The following PSTPIP2 variants were observed in gnomAD, a reference collection of about 807,000 sequenced individuals.
The protein encoded by PSTPIP2 is proline-serine-threonine phosphatase interacting protein 2, also known as proline-serine-threonine phosphatase-interacting protein 2.
In PSTPIP2, 33 loss-of-function variants were observed where a neutral mutation model predicts 63.3. The observed-to-expected ratio is 0.52, with a 90% CI of 0.40 to 0.70. PSTPIP2 has a LOEUF of 0.70. Ranked by LOEUF, PSTPIP2 falls within the 30% of genes least tolerant of loss-of-function variation. The pLI is 0.00. For missense variants in PSTPIP2, 312 were observed against 400.7 expected, an observed-to-expected ratio of 0.78 and a Z score of 1.89; for synonymous variants, 125 against 132.7, an observed-to-expected ratio of 0.94 and a Z score of 0.40.
chr18:46,072,209 G>A lies in PSTPIP2; in HGVS notation c.-21C>T, dbSNP rs1458810143. 2 of 1,533,528 alleles carry A rather than the reference G, an allele frequency of 1.3e-6. No homozygotes were observed. Among genetic ancestry groups the A allele is most frequent in the Non-Finnish European group, 1.8e-6 (2 of 1,140,104 alleles). 95.0% of individuals were successfully genotyped at this position (1,533,528 alleles called of 1,614,324 possible). ...GTCATCGCAGCGCGAGTGGGGGCGCGGAGGAGAGCCGGGCCGCAGGTAGCA... is the reference window on the plus strand; with the variant it reads ...GTCATCGCAGCGCGAGTGGGGGCGCAGAGGAGAGCCGGGCCGCAGGTAGCA... On this transcript the variant is annotated 5_prime_UTR_variant, in exon 1 of 15. Transcript: ENST00000409746.
At chr18:46,050,019 C>G (rs886705018) in intron 1 of PSTPIP2, among the ~76,000 whole-genome samples, 7 of 151,980 alleles carry the variant, frequency 4.6e-5, no homozygotes, top group Admixed American at 1.3e-4. Flanking sequence ...TAAAGGCAAA[C>G]AAACGAGATA....
chr18:45,998,352 T>C (rs1394406620), intron 8 of PSTPIP2, among the ~76,000 whole-genome samples: 3 of 152,232 alleles, frequency 2.0e-5, no homozygotes, highest in African/African-American at 7.2e-5. Flanking sequence ...ATTTCAGTGA[T>C]AACAAGGCCT....
At position 46,044,889 on chromosome 18, in the gene PSTPIP2, C is replaced by G. The variant is rs541738130; in HGVS notation, c.34-4842G>C. Among the ~76,000 whole-genome samples, 227 of 152,212 alleles carry G rather than the reference C, an allele frequency of 1.5e-3. 1 individual carries two copies. Among genetic ancestry groups the G allele is most frequent in the African/African-American group, 5.2e-3 (217 of 41,516 alleles). ...TTCTCAAAAGAAGGCATTTATGCAG[C>G]CAAAAAACACATGAAAAAATGCTCA... On this transcript the variant is annotated intron_variant, in intron 1 of 14. Coordinates refer to ENST00000409746, the MANE Select transcript of PSTPIP2 (RefSeq NM_024430.4).
At chr18:45,986,966 T>A (rs958686999) in intron 14 of PSTPIP2, among the ~76,000 whole-genome samples, 10 of 152,142 alleles carry the variant, frequency 6.6e-5, no homozygotes, top group African/African-American at 1.2e-4. Context: ...GGGTCCTAAG[T>A]AGCTGGGGCT....
intron 2 of PSTPIP2, among the ~76,000 whole-genome samples, chr18:46,027,706 G>A (rs1907633519): frequency 6.6e-6 from 1 of 151,718 alleles, no homozygotes; most frequent in African/African-American, 2.4e-5. Flanking sequence ...AATAAAATAA[G>A]TAAATAAAAA....
chr18:46,049,484 A>G (rs1908506232), intron 1 of PSTPIP2, among the ~76,000 whole-genome samples: 1 of 152,176 alleles, frequency 6.6e-6, no homozygotes, highest in Admixed American at 6.6e-5. Flanking sequence ...AAAAAAAAAG[A>G]TATTCAAACA....
Position 46,040,016 on chromosome 18 carries a change from T to TCATAG in PSTPIP2, c.60_64dup (p.Asp22AlafsTer9). On this transcript the variant is annotated frameshift_variant, in exon 2 of 15. Transcript: ENST00000409746. LOFTEE classifies it high-confidence loss of function. Reference sequence around the variant, plus strand: ...ATTGTTCAGATGTTGGATAATGTTGTCATAGCCGATGGTGCTGAGGATGTC... The same window carrying TCATAG: ...ATTGTTCAGATGTTGGATAATGTTGTCATAGCATAGCCGATGGTGCTGAGGATGTC... The TCATAG allele has an allele frequency of 6.2e-7, 1 of 1,612,642 alleles. No homozygotes were observed. Among genetic ancestry groups the TCATAG allele is most frequent in the Non-Finnish European group, 8.5e-7 (1 of 1,179,178 alleles).
intron 1 of PSTPIP2, among the ~76,000 whole-genome samples, chr18:46,058,876 G>A (rs1908877240): frequency 6.6e-6 from 1 of 152,164 alleles, no homozygotes; most frequent in African/African-American, 2.4e-5. Context: ...CAGGACCTAG[G>A]ACCCTGGACA....
chr18:46,011,093 G>T (rs2051790661), intron 5 of PSTPIP2, 88 bp downstream of exon 5: 1 of 1,071,480 alleles, frequency 9.3e-7, no homozygotes. Context: ...ATGATGGTGG[G>T]AGCTGAGCTG....
intron 1 of PSTPIP2, among the ~76,000 whole-genome samples, chr18:46,041,444 C>T (rs4890616): frequency 0.14 from 20,835 of 152,050 alleles, 1,865 homozygotes; most frequent in East Asian, 0.41. Flanking sequence ...GTGAGGGTCT[C>T]GCCATGTTGC....
intron 1 of PSTPIP2, among the ~76,000 whole-genome samples, chr18:46,066,748 G>C (rs752697630): frequency 1.3e-5 from 2 of 152,236 alleles, no homozygotes; most frequent in East Asian, 3.9e-4. Flanking sequence ...GGGTGGAACA[G>C]GCCGGGTGCG....
At chr18:46,004,421 G>C (rs1385803483) in intron 6 of PSTPIP2, among the ~76,000 whole-genome samples, 1 of 152,140 alleles carries the variant, frequency 6.6e-6, no homozygotes, top group Non-Finnish European at 1.5e-5. Flanking sequence ...GAGATTTCTA[G>C]CAACTTGTCC....
chr18:46,045,558 G>A (rs1908355136), intron 1 of PSTPIP2, among the ~76,000 whole-genome samples: 1 of 152,002 alleles, frequency 6.6e-6, no homozygotes, highest in South Asian at 2.1e-4. Flanking sequence ...TATACCTAAT[G>A]CTAAATGATG....
At chr18:46,068,543 C>A (rs1909274799) in intron 1 of PSTPIP2, among the ~76,000 whole-genome samples, 1 of 151,756 alleles carries the variant, frequency 6.6e-6, no homozygotes, top group African/African-American at 2.4e-5. Flanking sequence ...CGTGATCCAC[C>A]CGTCTCAGCC....
At chr18:45,990,836 T>C (rs919284517) in intron 12 of PSTPIP2, 80 bp from the exon 13 acceptor site, 10 of 1,230,540 alleles carry the variant, frequency 8.1e-6, no homozygotes, top group Admixed American at 2.0e-5. Flanking sequence ...TACAAGCCTA[T>C]TGTACTCTAA....
chr18:46,066,475 C>A (rs56019078), intron 1 of PSTPIP2, among the ~76,000 whole-genome samples: 2,496 of 152,286 alleles, frequency 0.016, 38 homozygotes, highest in Non-Finnish European at 0.026. Context: ...AGGCTGGCCA[C>A]TCAGACTTCA....
At chr18:46,035,545 A>C (rs1907941321) in intron 2 of PSTPIP2, among the ~76,000 whole-genome samples, 1 of 152,164 alleles carries the variant, frequency 6.6e-6, no homozygotes. Context: ...AGGTGGGGAA[A>C]TACTGAAGTA....
intron 4 of PSTPIP2, among the ~76,000 whole-genome samples, chr18:46,011,918 C>T (rs1350615064): frequency 6.6e-6 from 1 of 152,008 alleles, no homozygotes. Context: ...TCAGATTGAT[C>T]TAAGAAAAAA....
chr18:46,037,174 C>T (rs757051899), intron 2 of PSTPIP2, among the ~76,000 whole-genome samples: 22 of 152,040 alleles, frequency 1.4e-4, no homozygotes, highest in Admixed American at 1.4e-3. Context: ...TGTTTTGAGA[C>T]GGAGTTTCAC....
Sources: gnomAD v4.1 joint callset for allele counts (sites outside exome capture counted in the v4.1 genomes callset) on GRCh38, gnomAD v4.1.1 for gene constraint, MANE v1.5 for transcripts, NCBI Gene and HGNC (gene_info 2026-07-23, HGNC 2026-07-21) for gene names.